Variants in NUP155 observed in about 807,000 individuals in gnomAD.
NUP155 encodes the protein nuclear pore complex protein Nup155.
In NUP155, 71 loss-of-function variants were observed where a neutral mutation model predicts 180.4. That is an observed-to-expected ratio of 0.39 (90% CI 0.33 to 0.48). The LOEUF (loss-of-function observed/expected upper bound fraction) is 0.48, where lower values mean the gene tolerates loss of function less well. Ranked by LOEUF, NUP155 falls within the 20% of genes least tolerant of loss-of-function variation. The probability of loss-of-function intolerance (pLI) is 0.91; values close to 1 mark genes in which losing one functional copy is unlikely to be tolerated. For missense variants in NUP155, 1,553 were observed against 1,648.9 expected, an observed-to-expected ratio of 0.94 and a Z score of 1.01; for synonymous variants, 582 against 559.5, an observed-to-expected ratio of 1.04 and a Z score of -0.57.
In NUP155 at chr5:37,329,399, T is replaced by C. The variant is rs3736648; in HGVS notation, c.1725-121A>G. ...ATGCTTTAAACATTAGAGACTTCAA[T>C]GTATTGTGCTGACAGTAAAGTATAT... On this transcript the variant is annotated intron_variant, in intron 15 of 34. Transcript: ENST00000231498. The C allele has an allele frequency of 4.2e-5, 31 of 746,832 alleles. 2 individuals are homozygous for C. The highest frequency in any genetic ancestry group is 2.4e-4 in the Middle Eastern group (1 of 4,196). 46.3% of individuals were successfully genotyped at this position (746,832 alleles called of 1,614,324 possible).
chr5:37,345,894 G>C (rs547811146), intron 9 of NUP155, among the ~76,000 whole-genome samples: 1 of 135,686 alleles, frequency 7.4e-6, no homozygotes, highest in Admixed American at 7.8e-5. Context: ...ACGTGACAGA[G>C]TGAGATTCCA....
At chr5:37,305,780 G>C (rs575504448) in intron 25 of NUP155, among the ~76,000 whole-genome samples, 2 of 152,052 alleles carry the variant, frequency 1.3e-5, no homozygotes, top group African/African-American at 4.8e-5. Context: ...GCAGAGGCAG[G>C]AGGATCGCTT....
chr5:37,362,451 G>A lies in NUP155; in HGVS notation c.392+1437C>T, dbSNP rs1053158525. Among the ~76,000 whole-genome samples, 5 of 151,954 alleles carry A rather than the reference G, an allele frequency of 3.3e-5. No homozygotes were observed. The South Asian group carries it at 6.2e-4, about 19-fold the overall frequency. On this transcript the variant is annotated intron_variant, in intron 3 of 34. Transcript: ENST00000231498. ...TTACAGGCATGTGCCACCATGCCAG[G>A]CTAATTTTGTATTTTTAGTAGAGAT...
At chr5:37,313,691 A>T (rs1175530441) in intron 22 of NUP155, among the ~76,000 whole-genome samples, 1 of 151,976 alleles carries the variant, frequency 6.6e-6, no homozygotes. Context: ...TTTAGTAGAG[A>T]TGGGTCCTGA....
intron 4 of NUP155, among the ~76,000 whole-genome samples, chr5:37,353,870 A>G (rs1459135390): frequency 6.6e-6 from 1 of 152,202 alleles, no homozygotes; most frequent in East Asian, 1.9e-4. Context: ...ATGGTGGTGA[A>G]GTTTACACAA....
chr5:37,314,215 C>T lies in NUP155; in HGVS notation c.2419G>A (p.Val807Met), dbSNP rs1386407644. 14 of 1,608,616 alleles carry T rather than the reference C, an allele frequency of 8.7e-6. No individual in the cohort carries two copies. The Admixed American group carries it at 1.7e-4, about 19-fold the overall frequency. The stretch of plus-strand genomic sequence containing the variant: ...AAAATTACCTTCTGAAGTTCTGCCA[C>T]AATGATAGTGAATTGATGTTCACAA... Reference protein sequence around the residue: ...LLCEHQFTIIVAELQKELQEQ... With the variant: ...LLCEHQFTIIMAELQKELQEQ... Residue 807 changes from valine to methionine, a missense_variant, in exon 22 of 35, where the codon GTG (valine) becomes ATG (methionine). Coordinates refer to ENST00000231498, the MANE Select transcript of NUP155 (RefSeq NM_153485.3).
intron 18 of NUP155, chr5:37,327,338 T>A (rs1744668381): frequency 2.6e-6 from 1 of 386,466 alleles, no homozygotes; most frequent in Admixed American, 4.1e-5. Context: ...AATTTTTGAC[T>A]ACATGAAGGT....
rs1370760150 is a variant in NUP155, at chr5:37,310,160, A to G, written c.2628+392T>C. On this transcript the variant is annotated intron_variant, in intron 23 of 34. Coordinates refer to ENST00000231498, the MANE Select transcript of NUP155 (RefSeq NM_153485.3). ...TCAAGACCAGCCTGTGCAACAAATC[A>G]GAACTTGTCTCTATAAAAAACAAAA... Among the ~76,000 whole-genome samples, 5 of 152,234 alleles carry G rather than the reference A, an allele frequency of 3.3e-5. No individual in the cohort carries two copies. In the East Asian group the frequency reaches 7.7e-4, roughly 24 times the overall value.
At chr5:37,362,833 T>C (rs1446818831) in intron 3 of NUP155, among the ~76,000 whole-genome samples, 1 of 152,212 alleles carries the variant, frequency 6.6e-6, no homozygotes, top group East Asian at 1.9e-4. Context: ...ACGAAACTTC[T>C]AGTAGAAAAA....
intron 26 of NUP155, 93 bp downstream of exon 26, chr5:37,304,964 C>T (rs1743070321): frequency 6.5e-7 from 1 of 1,535,822 alleles, no homozygotes. Flanking sequence ...CTTCTAAGAA[C>T]TACCACCTTT....
chr5:37,301,617 G>A (rs1034456486), intron 29 of NUP155, 67 bp from the exon 30 acceptor site: 20 of 952,974 alleles, frequency 2.1e-5, no homozygotes, highest in South Asian at 6.5e-5. Flanking sequence ...TTGAAAGAAC[G>A]GATCCTACTA....
At position 37,370,895 on chromosome 5, in the gene NUP155, C is replaced by T. The variant is rs773857978; in HGVS notation, c.83G>A (p.Arg28Gln). 6 of 1,614,074 alleles carry T rather than the reference C, an allele frequency of 3.7e-6. No individual in the cohort carries two copies. The Admixed American group carries it at 6.7e-5, about 18-fold the overall frequency. ...ALQEALENAGRLIDRQLQEDR... is the reference protein window; with the variant it reads ...ALQEALENAGQLIDRQLQEDR... ...CTCTTGCAACTGACGGTCGATGAGC[C>T]GTCCAGCATTTTCCAGAGCTTCCTG... Residue 28 changes from arginine (R) to glutamine (Q), a missense_variant, in exon 1 of 35, where the codon CGG (arginine) becomes CAG (glutamine). By Grantham distance (43) the Arg-to-Gln change is conservative. Transcript: ENST00000231498.
At chr5:37,339,099 T>C (rs914829377) in intron 11 of NUP155, among the ~76,000 whole-genome samples, 2 of 152,134 alleles carry the variant, frequency 1.3e-5, no homozygotes, top group African/African-American at 4.8e-5. Context: ...CCAGGTGCTG[T>C]GGCTTATGCA....
rs7733284 is a variant in NUP155, at chr5:37,299,681, T to C, written c.3562-113A>G. 6,536 of 1,082,022 alleles carry C rather than the reference T, an allele frequency of 6.0e-3. 251 individuals are homozygous for C. In the African/African-American group the frequency reaches 0.089, roughly 15 times the overall value. 67.0% of individuals were successfully genotyped at this position (1,082,022 alleles called of 1,614,324 possible). A position where few individuals can be genotyped will look rare whatever the true frequency, so the allele number is the denominator to read the frequency against. On this transcript the variant is annotated intron_variant, in intron 30 of 34. Transcript: ENST00000231498. ...AACCAAAGATTTTACATAAAGTTTC[T>C]GAAATATGATATAAAGATGTGATGA... is the stretch of plus-strand genomic sequence containing the variant.
At chr5:37,299,108 A>G in intron 31 of NUP155, 130 bp from the exon 32 acceptor site, 1 of 712,248 alleles carries the variant, frequency 1.4e-6, no homozygotes, top group Non-Finnish European at 2.5e-6. Context: ...TGATTAACAG[A>G]TTTGGTGTTT....
At chr5:37,340,964 C>T (rs1745673813) in intron 11 of NUP155, 126 bp downstream of exon 11, 1 of 801,112 alleles carries the variant, frequency 1.2e-6, no homozygotes, top group Non-Finnish European at 2.0e-6. Flanking sequence ...CCCTACTTCC[C>T]TGACCCTTCT....
rs1195868608 is a variant in NUP155, at chr5:37,305,102, C to T, written c.3012G>A (p.Leu1004=). The T allele has an allele frequency of 1.9e-6, 3 of 1,613,942 alleles. No homozygotes were observed. The Admixed American group carries it at 5.0e-5, about 27-fold the overall frequency. ...TACTCAGCATATTTGGATCAGATGACAACACTGGAGGACCAGGTTTTTTGG... is the reference window on the plus strand; with the variant it reads ...TACTCAGCATATTTGGATCAGATGATAACACTGGAGGACCAGGTTTTTTGG... The part of the protein sequence containing the change: ...SVPKKPGPPV[L]SSDPNMLSNE... Residue 1004 remains leucine (L), a synonymous_variant, in exon 26 of 35, where the codon TTG becomes TTA. Coordinates refer to ENST00000231498, the MANE Select transcript of NUP155 (RefSeq NM_153485.3).
In NUP155 at chr5:37,306,567, A is replaced by G. The variant is rs575636247; in HGVS notation, c.2903+730T>C. Among the ~76,000 whole-genome samples the G allele has an allele frequency of 6.6e-5, 10 of 152,140 alleles. 1 individual carries two copies. Among genetic ancestry groups the G allele is most frequent in the African/African-American group, 1.7e-4 (7 of 41,502 alleles). On this transcript the variant is annotated intron_variant, in intron 25 of 34. Transcript: ENST00000231498. Reference sequence around the variant, plus strand: ...ACTGCAGCCTCTGCCTCCCGGGTTAAAGCAATTCTCCTGCCTCAGCCTCCC... The same window carrying G: ...ACTGCAGCCTCTGCCTCCCGGGTTAGAGCAATTCTCCTGCCTCAGCCTCCC...
chr5:37,341,310 G>T, intron 10 of NUP155, 68 bp from the exon 11 acceptor site: 3 of 1,290,232 alleles, frequency 2.3e-6, no homozygotes, highest in Non-Finnish European at 3.4e-6. Flanking sequence ...TGTTATTGAA[G>T]CAATTACATA....
Sources: allele counts gnomAD v4.1 joint callset (sites outside exome capture counted in the v4.1 genomes callset), GRCh38; gene constraint gnomAD v4.1.1; transcripts MANE v1.5; gene names NCBI Gene and HGNC (gene_info 2026-07-23, HGNC 2026-07-21).